LRRC4C: variants seen among roughly 807,000 people sequenced by gnomAD.
The protein encoded by LRRC4C is leucine rich repeat containing 4C.
LRRC4C carries 5 observed loss-of-function variants against 33.6 expected under a neutral mutation model. The observed-to-expected ratio is 0.15, with a 90% confidence interval of 0.08 to 0.31. The LOEUF is 0.31. Ranked by LOEUF, LRRC4C falls within the 10% of genes least tolerant of loss-of-function variation. The pLI, the probability that LRRC4C is intolerant of heterozygous loss-of-function variation, is 1.00. For synonymous variants in LRRC4C, 329 were observed against 302.0 expected (o/e 1.09, Z -0.93); for missense variants, 560 against 796.7 (o/e 0.70, Z 3.58).
intron 1 of LRRC4C, among the ~76,000 whole-genome samples, chr11:41,012,900 C>G (rs7948564): frequency 1.3e-5 from 2 of 152,032 alleles, no homozygotes; most frequent in Admixed American, 1.3e-4. Context: ...TAAGAATTGT[C>G]TATTCAGACC....
intron 1 of LRRC4C, among the ~76,000 whole-genome samples, chr11:41,267,324 G>A (rs1362142943): frequency 6.6e-6 from 1 of 152,082 alleles, no homozygotes; most frequent in Admixed American, 6.6e-5. Context: ...CTTAGAAGGG[G>A]TAGACTGCTA....
At chr11:41,410,279 T>G (rs1315338675) in intron 1 of LRRC4C, among the ~76,000 whole-genome samples, 1 of 152,210 alleles carries the variant, frequency 6.6e-6, no homozygotes, top group Non-Finnish European at 1.5e-5. Context: ...CTTCAGCAGC[T>G]CATCACATTT....
chr11:41,064,152 A>G (rs1482157270), intron 1 of LRRC4C, among the ~76,000 whole-genome samples: 1 of 152,262 alleles, frequency 6.6e-6, no homozygotes, highest in East Asian at 1.9e-4. Flanking sequence ...TTATTTATTT[A>G]CCAATTCACC....
At chr11:40,186,948 C>T (rs1018729592) in intron 5 of LRRC4C, among the ~76,000 whole-genome samples, 5 of 152,110 alleles carry the variant, frequency 3.3e-5, no homozygotes, top group Non-Finnish European at 5.9e-5. Flanking sequence ...CCCTCGGTGG[C>T]TTGAGAGTGG....
chr11:40,653,240 T>C (rs1018435698), intron 2 of LRRC4C, among the ~76,000 whole-genome samples: 1 of 152,162 alleles, frequency 6.6e-6, no homozygotes, highest in African/African-American at 2.4e-5. Flanking sequence ...AGGCAGAAGT[T>C]GGAACAGTTT....
chr11:40,495,830 T>TTTG (rs1954418029), intron 3 of LRRC4C, among the ~76,000 whole-genome samples: 6 of 46,700 alleles, frequency 1.3e-4, no homozygotes, highest in Non-Finnish European at 2.6e-4. Flanking sequence ...TTTTTTTTTT[T>TTTG]TTTTTTTTTT....
chr11:41,355,860 G>A (rs1166458885), intron 1 of LRRC4C, among the ~76,000 whole-genome samples: 1 of 151,858 alleles, frequency 6.6e-6, no homozygotes, highest in Non-Finnish European at 1.5e-5. Flanking sequence ...CTTCTACTAA[G>A]GAGAATGTGA....
chr11:41,087,058 C>G (rs138157415), intron 1 of LRRC4C, among the ~76,000 whole-genome samples: 4 of 152,226 alleles, frequency 2.6e-5, no homozygotes, highest in Non-Finnish European at 4.4e-5. Context: ...GAATTGTAAA[C>G]ATGAACATGG....
intron 2 of LRRC4C, among the ~76,000 whole-genome samples, chr11:40,787,263 G>T (rs546073636): frequency 2.6e-4 from 40 of 152,050 alleles, no homozygotes; most frequent in Middle Eastern, 3.4e-3. Context: ...TTGCCAACTG[G>T]GGGGGGTAGG....
chr11:41,288,041 A>C (rs1159625738), intron 1 of LRRC4C, among the ~76,000 whole-genome samples: 1 of 152,174 alleles, frequency 6.6e-6, no homozygotes, highest in African/African-American at 2.4e-5. Flanking sequence ...CCAGTTATTC[A>C]AGAACTATTT....
In LRRC4C at chr11:40,621,231, T is replaced by TA. The variant is rs548237191; in HGVS notation, c.-270+26910dup. 3.6e-3 allele frequency among the ~76,000 whole-genome samples: 541 copies of TA among 151,868 alleles called. 2 individuals are homozygous for TA. The highest frequency in any genetic ancestry group is 0.012 in the African/African-American group (516 of 41,496). On this transcript the variant is annotated intron_variant, in intron 3 of 6. Transcript: ENST00000528697. ...CACAAATCTGATCATTTATTCCATT[T>TA]AAATCCCTTTAATGGTTCTTTTTTT...
At chr11:41,172,821 C>T (rs962284303) in intron 1 of LRRC4C, among the ~76,000 whole-genome samples, 2 of 152,012 alleles carry the variant, frequency 1.3e-5, no homozygotes, top group Non-Finnish European at 2.9e-5. Context: ...TCATTCTATG[C>T]TATAGTCTAA....
At chr11:40,218,638 C>T (rs112553050) in intron 5 of LRRC4C, among the ~76,000 whole-genome samples, 1,882 of 147,492 alleles carry the variant, frequency 0.013, 46 homozygotes, top group African/African-American at 0.038. Flanking sequence ...ATGTATGTAT[C>T]TATTTATCTA....
intron 1 of LRRC4C, among the ~76,000 whole-genome samples, chr11:40,990,921 GA>G (rs1039170372): frequency 3.3e-5 from 5 of 151,016 alleles, no homozygotes; most frequent in African/African-American, 1.2e-4. Context: ...ATTTTTTTCT[GA>G]AAAAAAATTG....
At chr11:41,274,235 C>T (rs758493260) in intron 1 of LRRC4C, among the ~76,000 whole-genome samples, 17 of 152,006 alleles carry the variant, frequency 1.1e-4, no homozygotes, top group Admixed American at 3.3e-4. Context: ...TTTCATTTCA[C>T]GTAGAAGGAA....
At chr11:40,603,203 T>A (rs1263717457) in intron 3 of LRRC4C, among the ~76,000 whole-genome samples, 1 of 152,184 alleles carries the variant, frequency 6.6e-6, no homozygotes, top group Non-Finnish European at 1.5e-5. Context: ...ATCAAACCAC[T>A]GAGGCATAAT....
chr11:41,126,348 T>G (rs906237748), intron 1 of LRRC4C, among the ~76,000 whole-genome samples: 10 of 152,028 alleles, frequency 6.6e-5, no homozygotes, highest in Non-Finnish European at 1.5e-5. Context: ...TGGTACCTAG[T>G]AAAACCTTTT....
At chr11:40,361,908 A>T (rs1947970894) in intron 3 of LRRC4C, among the ~76,000 whole-genome samples, 1 of 152,224 alleles carries the variant, frequency 6.6e-6, no homozygotes, top group Non-Finnish European at 1.5e-5. Flanking sequence ...CTGGTAAAAG[A>T]ACAGGCACAT....
At position 40,520,385 on chromosome 11, in the gene LRRC4C, A is replaced by C. The variant is rs150830983; in HGVS notation, c.-270+127757T>G. Among the ~76,000 whole-genome samples, 26 of 152,328 alleles carry C rather than the reference A, an allele frequency of 1.7e-4. 1 individual carries two copies. Among genetic ancestry groups the C allele is most frequent in the African/African-American group, 6.0e-4 (25 of 41,584 alleles). On this transcript the variant is annotated intron_variant, in intron 3 of 6. Transcript: ENST00000528697. ...TAATCATTTCCAGCTTTGGATTTAAAGTGAGAGATGTGTAACTCTTCTTTT... is the reference window on the plus strand; with the variant it reads ...TAATCATTTCCAGCTTTGGATTTAACGTGAGAGATGTGTAACTCTTCTTTT...
Sources: allele counts gnomAD v4.1 joint callset (sites outside exome capture counted in the v4.1 genomes callset), GRCh38; gene constraint gnomAD v4.1.1; transcripts MANE v1.5; gene names NCBI Gene and HGNC (gene_info 2026-07-23, HGNC 2026-07-21).